The following SLC39A4 variants were observed in gnomAD, a reference collection of about 807,000 sequenced individuals.
SLC39A4 encodes zinc transporter ZIP4.
In SLC39A4, 49 loss-of-function variants were observed where a neutral mutation model predicts 56.6. The ratio of observed to expected loss-of-function variants is 0.87; its 90% CI spans 0.69 to 1.10. The LOEUF (loss-of-function observed/expected upper bound fraction) is 1.10. Among genes scored for constraint, SLC39A4 ranks in the 50% least tolerant of loss-of-function variants. The pLI is 0.00. For missense variants in SLC39A4, 993 were observed against 864.2 expected, an observed-to-expected ratio of 1.15 and a Z score of -1.87; for synonymous variants, 540 against 420.4, an observed-to-expected ratio of 1.28 and a Z score of -3.48.
At chr8:144,416,197 A>G (rs1554873988) in intron 1 of SLC39A4, 106 bp from the exon 2 acceptor site, 2 of 1,593,368 alleles carry the variant, frequency 1.3e-6, no homozygotes. Context: ...CAAGTCCAAC[A>G]ACGTCCACCA....
At position 144,412,879 on chromosome 8, in the gene SLC39A4, G is replaced by A. The variant is rs1554871989; in HGVS notation, c.1695C>T (p.Ser565=). 4 of 1,611,040 alleles carry A rather than the reference G, an allele frequency of 2.5e-6. No homozygotes were observed. The highest frequency in any genetic ancestry group is 1.1e-5 in the South Asian group (1 of 91,038). Residue 565 remains serine, a synonymous_variant, in exon 11 of 12, where the codon TCC becomes TCT. Coordinates refer to ENST00000301305, the MANE Select transcript of SLC39A4 (RefSeq NM_130849.4). ...AGAGACCAGCGAAGGCCGTGAGCGC[G>A]GAGGCCAGGTTCAGCAGCAGTGCTT... is the stretch of plus-strand genomic sequence containing the variant. ...VRQALLLNLA[S]ALTAFAGLYV...
rs374689411 is a variant in SLC39A4, at chr8:144,414,410, G to A, written c.1001C>T (p.Thr334Met). The A allele has an allele frequency of 1.8e-4, 275 of 1,564,432 alleles. No individual in the cohort carries two copies. The highest frequency in any genetic ancestry group is 7.0e-4 in the Admixed American group (36 of 51,432). ...GACCGCGCAGAGGCAGATGAGCAGCGTGGCCAGGGAGCCGTACAGATACCC... is the reference window on the plus strand; with the variant it reads ...GACCGCGCAGAGGCAGATGAGCAGCATGGCCAGGGAGCCGTACAGATACCC... ...SERYLYGSLA[T>M]LLICLCAVFG... Residue 334 changes from threonine to methionine, a missense_variant, in exon 6 of 12, where the codon ACG becomes ATG. By Grantham distance (81) the Thr-to-Met change is moderately conservative (BLOSUM62 -1). Transcript: ENST00000301305.
intron 1 of SLC39A4, 107 bp downstream of exon 1, chr8:144,416,491 C>T: frequency 6.1e-6 from 9 of 1,485,060 alleles, no homozygotes; most frequent in South Asian, 2.7e-5. Flanking sequence ...CTGCCACTAG[C>T]CTCCTCCGCC....
chr8:144,413,261 A>C lies in SLC39A4; in HGVS notation c.1603T>G (p.Cys535Gly), dbSNP rs1821974707. 3 of 1,591,880 alleles carry C rather than the reference A, an allele frequency of 1.9e-6. No individual in the cohort carries two copies. Among genetic ancestry groups the C allele is most frequent in the South Asian group, 2.3e-5 (2 of 88,808 alleles). ...TGLATSLAVF[C>G]HELPHELGDF... ...CCCAGCTCGTGTGGCAACTCGTGGCAGAACACGGCCAGCGAGGTGGCCAGC... is the reference window on the plus strand; with the variant it reads ...CCCAGCTCGTGTGGCAACTCGTGGCCGAACACGGCCAGCGAGGTGGCCAGC... Residue 535 changes from cysteine (C) to glycine (G), a missense_variant, in exon 10 of 12, where the codon TGC (cysteine) becomes GGC (glycine). Transcript: ENST00000301305.
chr8:144,414,480 GC>G, intron 5 of SLC39A4, 46 bp from the exon 6 acceptor site: 1 of 1,548,540 alleles, frequency 6.5e-7, no homozygotes, highest in Non-Finnish European at 8.7e-7. Context: ...TCCAGACTCA[GC>G]CCCTGCTTCC....
rs1554873528 is a variant in SLC39A4 at position 144,415,252 on chromosome 8, G to GCTGTGCTGCC, written c.641_642insGGCAGCACAG (p.Ser214ArgfsTer30). 1.9e-6 allele frequency: 3 copies of GCTGTGCTGCC among 1,613,196 alleles called. No individual in the cohort carries two copies. The highest frequency in any genetic ancestry group is 2.5e-6 in the Non-Finnish European group (3 of 1,179,860). ...CGGCCAGCGTCATAGGGACCTCGCTGCTGTGCTGCTGGAACACAAAGTCCA... is the reference window on the plus strand; with the variant it reads ...CGGCCAGCGTCATAGGGACCTCGCTGCTGTGCTGCCCTGTGCTGCTGGAACACAAAGTCCA... On this transcript the variant is annotated frameshift_variant, in exon 3 of 12. Transcript: ENST00000301305. LOFTEE classifies it high-confidence loss of function.
Position 144,413,548 on chromosome 8 carries a change from T to C in SLC39A4, c.1439A>G (p.Glu480Gly), listed in dbSNP as rs782755709. The C allele has an allele frequency of 1.9e-6, 3 of 1,554,626 alleles. No homozygotes were observed. Among genetic ancestry groups the C allele is most frequent in the South Asian group, 2.4e-5 (2 of 84,516 alleles). The change falls in exon 9 of 12, where the codon GAG becomes GGG. Residue 480 changes from glutamate (E) to glycine (G), a missense_variant. Transcript: ENST00000301305. The part of the protein sequence containing the change: ...RADLVAEESP[E>G]LLNPEPRRLS... ...TCTCCTGGGCTCAGGGTTCAGCAGC[T>C]CCGGGCTCTCCTCCGCCACCTGGGA...
intron 5 of SLC39A4, 97 bp downstream of exon 5, chr8:144,414,628 C>T (rs144214094): frequency 1.4e-5 from 22 of 1,555,124 alleles, no homozygotes; most frequent in Non-Finnish European, 1.9e-5. Context: ...CCAGCCCCTG[C>T]TCACTCTCTC....
At position 144,412,545 on chromosome 8, in the gene SLC39A4, G is replaced by A. The variant is rs1038762995; in HGVS notation, c.1937C>T (p.Thr646Ile). Residue 646 changes from threonine to isoleucine, a missense_variant, in exon 12 of 12, where the codon ACC becomes ATC. Physicochemically the swap from Thr to Ile is moderately conservative, Grantham distance 89. Transcript: ENST00000301305. ...GGGGACTAGGGCAGGGTATCAGAAG[G>A]TGATGTCATCCTCGTACAGGGACAG... is the stretch of plus-strand genomic sequence containing the variant. ...LLLSLYEDDI[T>I]F 6 of 1,614,202 alleles carry A rather than the reference G, an allele frequency of 3.7e-6. No individual in the cohort carries two copies. The highest frequency in any genetic ancestry group is 5.1e-6 in the Non-Finnish European group (6 of 1,180,038).
In SLC39A4 at chr8:144,412,663, G is replaced by A. The variant is rs868922344; in HGVS notation, c.1819C>T (p.Pro607Ser). The A allele has an allele frequency of 6.1e-5, 99 of 1,613,778 alleles. No homozygotes were observed. The highest frequency in any genetic ancestry group is 8.2e-5 in the Non-Finnish European group (97 of 1,179,966). ...GGGTCCCGTACTTTCAACATCGCCGGGAGCTGAGGAGCAAGTGGGCACCGG... is the reference window on the plus strand; with the variant it reads ...GGGTCCCGTACTTTCAACATCGCCGAGAGCTGAGGAGCAAGTGGGCACCGG... ...FLYVALCDML[P>S]AMLKVRDPRP... The change falls in exon 12 of 12, where the codon CCG becomes TCG. Residue 607 changes from proline (P) to serine (S), a missense_variant. Transcript: ENST00000301305.
chr8:144,413,334 G>A lies in SLC39A4; in HGVS notation c.1530C>T (p.Ala510=). 1 of 1,606,228 alleles carries A rather than the reference G, an allele frequency of 6.2e-7. No individual in the cohort carries two copies. Among genetic ancestry groups the A allele is most frequent in the Non-Finnish European group, 8.5e-7 (1 of 1,179,286 alleles). The change falls in exon 10 of 12, where the codon GCC becomes GCT. Residue 510 remains alanine (A), a synonymous_variant. Transcript: ENST00000301305. ...ITLGDAVHNF[A]DGLAVGAAFA... is the part of the protein sequence containing the mutation. ...AGGCGGCGCCCACGGCCAGCCCGTC[G>A]GCGAAGTTGTGCACGGCGTCGCCCA...
chr8:144,413,675 G>A, intron 8 of SLC39A4, 75 bp downstream of exon 8: 2 of 1,539,886 alleles, frequency 1.3e-6, no homozygotes, highest in South Asian at 1.2e-5. Context: ...CCTGGGGTGG[G>A]GCTGGGAGTG....
rs372390844 is a variant in SLC39A4, at chr8:144,414,243, C to T, written c.1149+19G>A. 3.5e-5 allele frequency: 56 copies of T among 1,605,216 alleles called. 1 individual carries two copies. Among genetic ancestry groups the T allele is most frequent in the African/African-American group, 2.1e-4 (16 of 74,792 alleles). ...GGTGGGGAACGGAGGGCCAGGGTCGCGGGTTTGTGGGGGCAGACCTTGGGC... is the reference window on the plus strand; with the variant it reads ...GGTGGGGAACGGAGGGCCAGGGTCGTGGGTTTGTGGGGGCAGACCTTGGGC... On this transcript the variant is annotated intron_variant, in intron 6 of 11. Transcript: ENST00000301305.
chr8:144,416,397 G>T, intron 1 of SLC39A4: 1 of 1,447,406 alleles, frequency 6.9e-7, no homozygotes, highest in Non-Finnish European at 9.0e-7. Flanking sequence ...GGAGAAGAGG[G>T]ACTGTGTCCC....
chr8:144,413,441 C>T (rs1364030359), intron 9 of SLC39A4, 52 bp from the exon 10 acceptor site: 1 of 1,587,844 alleles, frequency 6.3e-7, no homozygotes, highest in Non-Finnish European at 8.6e-7. Context: ...TACCGCCAAG[C>T]CTTGGGCCCC....
At chr8:144,415,658 G>T in intron 2 of SLC39A4, 152 bp downstream of exon 2, 1 of 1,252,304 alleles carries the variant, frequency 8.0e-7, no homozygotes, top group Non-Finnish European at 1.1e-6. Flanking sequence ...GCCCAGTAGT[G>T]AGCCCCACGT....
At chr8:144,416,238 T>C in intron 1 of SLC39A4, 147 bp from the exon 2 acceptor site, 2 of 1,576,288 alleles carry the variant, frequency 1.3e-6, no homozygotes, top group Non-Finnish European at 8.6e-7. Context: ...CCCTTCCGTC[T>C]CCCCAGGCCC....
chr8:144,414,282 C>T lies in SLC39A4; in HGVS notation c.1129G>A (p.Val377Ile). 1 of 1,608,988 alleles carries T rather than the reference C, an allele frequency of 6.2e-7. No homozygotes were observed. Among genetic ancestry groups the T allele is most frequent in the Non-Finnish European group, 8.5e-7 (1 of 1,178,760 alleles). ...LAVGAVTGDA[V>I]LHLTPKVLGL... ...CAGACCTTGGGCGTCAGATGCAGGA[C>T]AGCGTCCCCAGTGACTGCACCCACT... The change falls in exon 6 of 12, where the codon GTC becomes ATC. Residue 377 changes from valine to isoleucine, a missense_variant. Val to Ile is a conservative substitution (Grantham distance 29, BLOSUM62 3). Coordinates refer to ENST00000301305, the MANE Select transcript of SLC39A4 (RefSeq NM_130849.4).
intron 5 of SLC39A4, 123 bp downstream of exon 5, chr8:144,414,602 T>C: frequency 6.6e-7 from 1 of 1,506,914 alleles, no homozygotes; most frequent in Non-Finnish European, 8.9e-7. Context: ...TTCCCCTGTG[T>C]CTGTTGTTTC....
Sources: gnomAD v4.1 joint callset for allele counts on GRCh38, gnomAD v4.1.1 for gene constraint, MANE v1.5 for transcripts, NCBI Gene and HGNC (gene_info 2026-07-23, HGNC 2026-07-21) for gene names.